Variants in CTNNA3 observed in about 807,000 individuals in gnomAD.
CTNNA3 encodes catenin alpha 3, also known as catenin alpha-3.
Under a neutral mutation model 95.7 loss-of-function variants are expected in CTNNA3, and 76 were observed. That is an observed-to-expected ratio of 0.79 (90% confidence interval 0.66 to 0.96). CTNNA3 has a LOEUF of 0.96. Ranked by LOEUF, CTNNA3 falls within the 40% of genes least tolerant of loss-of-function variation. The probability of loss-of-function intolerance (pLI) is 0.00; values close to 1 mark genes in which losing one functional copy is unlikely to be tolerated. For missense variants in CTNNA3, 1,191 were observed against 1,089.8 expected (o/e 1.09, Z -1.31); for synonymous variants, 431 against 374.4 (o/e 1.15, Z -1.74).
At position 66,215,974 on chromosome 10, in the gene CTNNA3, C is replaced by T. The variant is rs72797228; in HGVS notation, c.1884+64496G>A. ...AAGCAAAGGAAGGCAAACTCTCAAG[C>T]CTCCTGTGCTTTTACTTTCAGTTAT... On this transcript the variant is annotated intron_variant, in intron 13 of 17. Transcript: ENST00000433211. 3.0e-3 allele frequency among the ~76,000 whole-genome samples: 460 copies of T among 152,310 alleles called. 8 individuals carry two copies. The East Asian group carries it at 0.041, about 13-fold the overall frequency.
intron 6 of CTNNA3, among the ~76,000 whole-genome samples, chr10:67,182,203 A>G (rs1215863545): frequency 6.6e-6 from 1 of 152,170 alleles, no homozygotes; most frequent in Non-Finnish European, 1.5e-5. Flanking sequence ...TAAAGTTCAT[A>G]TGGAACCAAA....
At chr10:67,128,272 AT>A (rs1859821367) in intron 7 of CTNNA3, among the ~76,000 whole-genome samples, 1 of 152,086 alleles carries the variant, frequency 6.6e-6, no homozygotes, top group South Asian at 2.1e-4. Context: ...TCAGTTTATA[AT>A]TTTAAATGTT....
chr10:67,390,844 A>G (rs1396156685), intron 5 of CTNNA3, among the ~76,000 whole-genome samples: 1 of 148,018 alleles, frequency 6.8e-6, no homozygotes, highest in Non-Finnish European at 1.5e-5. Context: ...AGCCTTTGAC[A>G]AAATTCAACA....
At chr10:66,678,009 C>CA (rs984905728) in intron 9 of CTNNA3, among the ~76,000 whole-genome samples, 1 of 152,104 alleles carries the variant, frequency 6.6e-6, no homozygotes, top group African/African-American at 2.4e-5. Context: ...CTCCTCCTGC[C>CA]AAAACCATAC....
chr10:66,621,869 C>G, intron 9 of CTNNA3, 85 bp from the exon 10 acceptor site: 1 of 631,802 alleles, frequency 1.6e-6, no homozygotes, highest in South Asian at 2.7e-5. Flanking sequence ...AACATGTACA[C>G]ATTCATCAAG....
chr10:67,101,100 CAAGTCACATATTTCTT>C (rs1162264586), intron 7 of CTNNA3, among the ~76,000 whole-genome samples: 2 of 151,714 alleles, frequency 1.3e-5, no homozygotes, highest in South Asian at 2.1e-4. Flanking sequence ...AAAAGTTTAA[CAAGTCACATATTTCTT>C]AACATACAAG....
intron 11 of CTNNA3, among the ~76,000 whole-genome samples, chr10:66,407,305 T>C (rs1344952414): frequency 6.7e-6 from 1 of 148,790 alleles, no homozygotes; most frequent in African/African-American, 2.6e-5. Context: ...ACCTATATTT[T>C]AGTGACATTT....
At chr10:66,544,432 G>C (rs915146648) in intron 10 of CTNNA3, among the ~76,000 whole-genome samples, 8 of 152,040 alleles carry the variant, frequency 5.3e-5, no homozygotes, top group African/African-American at 1.9e-4. Context: ...ATGTCACTTT[G>C]GTTCATTTCC....
At chr10:66,969,788 T>A (rs1413876119) in intron 7 of CTNNA3, among the ~76,000 whole-genome samples, 2 of 152,160 alleles carry the variant, frequency 1.3e-5, no homozygotes, top group Non-Finnish European at 2.9e-5. Context: ...CTGCCTCACA[T>A]TTGAGGAGAA....
At chr10:66,142,637 C>A (rs2083678341) in intron 13 of CTNNA3, among the ~76,000 whole-genome samples, 1 of 151,976 alleles carries the variant, frequency 6.6e-6, no homozygotes, top group South Asian at 2.1e-4. Flanking sequence ...CTGTTCAGCT[C>A]CAACATTAAC....
intron 9 of CTNNA3, among the ~76,000 whole-genome samples, chr10:66,688,853 A>C (rs2132528337): frequency 6.6e-6 from 1 of 151,958 alleles, no homozygotes; most frequent in Middle Eastern, 3.4e-3. Context: ...GGGCGCCTGT[A>C]ATCCCAGCTA....
intron 12 of CTNNA3, among the ~76,000 whole-genome samples, chr10:66,304,765 A>G (rs778991640): frequency 2.0e-5 from 3 of 152,214 alleles, no homozygotes; most frequent in Non-Finnish European, 4.4e-5. Context: ...ACAAAAGTAT[A>G]GGAACAGGTA....
chr10:66,254,692 C>T (rs908703715), intron 13 of CTNNA3, among the ~76,000 whole-genome samples: 1 of 152,156 alleles, frequency 6.6e-6, no homozygotes, highest in Non-Finnish European at 1.5e-5. Flanking sequence ...CATCCTGGGA[C>T]TTTACTGGGA....
At chr10:65,957,422 T>C (rs1442241818) in intron 17 of CTNNA3, among the ~76,000 whole-genome samples, 2 of 152,214 alleles carry the variant, frequency 1.3e-5, no homozygotes, top group African/African-American at 4.8e-5. Flanking sequence ...GTGAATTTGA[T>C]CCTGTCATTA....
Position 66,301,466 on chromosome 10 carries a change from T to C in CTNNA3, c.1733-20845A>G, listed in dbSNP as rs140331754. ...ATTGAATTATGTATAAAAGGAATTA[T>C]ATACTAATTCTTTTAGTATATAAAT... On this transcript the variant is annotated intron_variant, in intron 12 of 17. Coordinates refer to ENST00000433211, the MANE Select transcript of CTNNA3 (RefSeq NM_013266.4). Among the ~76,000 whole-genome samples, 45 of 152,064 alleles carry C rather than the reference T, an allele frequency of 3.0e-4. No homozygotes were observed. The East Asian group carries it at 7.7e-3, about 26-fold the overall frequency.
chr10:67,497,212 T>C (rs930811937), intron 5 of CTNNA3, among the ~76,000 whole-genome samples: 2 of 152,168 alleles, frequency 1.3e-5, no homozygotes, highest in African/African-American at 4.8e-5. Context: ...AATAGTTTGC[T>C]GAGAATAATG....
chr10:66,080,703 C>T (rs954109860), intron 14 of CTNNA3, among the ~76,000 whole-genome samples: 2 of 152,072 alleles, frequency 1.3e-5, no homozygotes, highest in African/African-American at 4.8e-5. Context: ...AGAGATGGAA[C>T]TCAACTCTGC....
At chr10:67,180,891 G>T (rs979230232) in intron 6 of CTNNA3, among the ~76,000 whole-genome samples, 5 of 152,132 alleles carry the variant, frequency 3.3e-5, no homozygotes, top group African/African-American at 1.2e-4. Context: ...ACTGACTGGA[G>T]CATATTAACT....
At chr10:67,055,844 G>GT (rs1855396788) in intron 7 of CTNNA3, among the ~76,000 whole-genome samples, 1 of 152,098 alleles carries the variant, frequency 6.6e-6, no homozygotes, top group Non-Finnish European at 1.5e-5. Flanking sequence ...CTAATGATAA[G>GT]TTGCCACTGT....
Sources: allele counts gnomAD v4.1 joint callset (sites outside exome capture counted in the v4.1 genomes callset), GRCh38; gene constraint gnomAD v4.1.1; transcripts MANE v1.5; gene names NCBI Gene and HGNC (gene_info 2026-07-23, HGNC 2026-07-21).